The following XYLT1 variants were observed in gnomAD, a reference collection of about 807,000 sequenced individuals.
XYLT1 encodes beta-D-xylosyltransferase 1.
Under a neutral mutation model 91.3 loss-of-function variants are expected in XYLT1, and 36 were observed. The observed-to-expected ratio is 0.39, with a 90% confidence interval of 0.30 to 0.52. The LOEUF is 0.52. Ranked by LOEUF, XYLT1 falls within the 20% of genes least tolerant of loss-of-function variation. XYLT1 has a pLI of 0.68. For missense variants in XYLT1, 1,242 were observed against 1,284.5 expected, an observed-to-expected ratio of 0.97 and a Z score of 0.51; for synonymous variants, 588 against 532.0, an observed-to-expected ratio of 1.11 and a Z score of -1.45.
chr16:17,168,331 A>T (rs1201525998), intron 5 of XYLT1, among the ~76,000 whole-genome samples: 3 of 152,222 alleles, frequency 2.0e-5, no homozygotes, highest in African/African-American at 7.2e-5. Context: ...TAAGTGAATT[A>T]ACAGAGGAAC....
intron 3 of XYLT1, among the ~76,000 whole-genome samples, chr16:17,243,907 T>C (rs930594389): frequency 5.3e-5 from 8 of 152,028 alleles, no homozygotes; most frequent in Non-Finnish European, 1.2e-4. Context: ...GATGCCCAGG[T>C]CTCCCACCAT....
chr16:17,454,910 C>G (rs1274482696), intron 1 of XYLT1, among the ~76,000 whole-genome samples: 6 of 71,324 alleles, frequency 8.4e-5, no homozygotes, highest in African/African-American at 3.5e-4. Context: ...TCCTCCCCCC[C>G]CCGCCCCCCC....
At chr16:17,297,642 G>C (rs1034562641) in intron 2 of XYLT1, among the ~76,000 whole-genome samples, 1 of 152,044 alleles carries the variant, frequency 6.6e-6, no homozygotes, top group African/African-American at 2.4e-5. Context: ...AGGATCACTT[G>C]AGCCTAGGAG....
chr16:17,236,200 C>T (rs909017251), intron 3 of XYLT1, among the ~76,000 whole-genome samples: 2 of 152,154 alleles, frequency 1.3e-5, no homozygotes, highest in African/African-American at 2.4e-5. Context: ...AATTTAAATA[C>T]AAGCATCTGA....
At chr16:17,294,561 T>A (rs62033204) in intron 2 of XYLT1, among the ~76,000 whole-genome samples, 2,391 of 152,140 alleles carry the variant, frequency 0.016, 29 homozygotes, top group Non-Finnish European at 0.028. Context: ...GAGGCTGTGT[T>A]GTAAGGGCTT....
At chr16:17,371,822 CAGAGAG>C (rs201802073) in intron 1 of XYLT1, among the ~76,000 whole-genome samples, 1 of 152,106 alleles carries the variant, frequency 6.6e-6, no homozygotes, top group Non-Finnish European at 1.5e-5. Context: ...TATTAAGAGA[CAGAGAG>C]AAAGAAAGAG....
chr16:17,387,038 GC>G (rs768866396), intron 1 of XYLT1, among the ~76,000 whole-genome samples: 116 of 152,264 alleles, frequency 7.6e-4, no homozygotes, highest in Non-Finnish European at 1.4e-3. Context: ...GATGATAAAT[GC>G]CCCAAGAGAC....
chr16:17,342,258 T>C (rs2035072138), intron 2 of XYLT1, among the ~76,000 whole-genome samples: 2 of 152,208 alleles, frequency 1.3e-5, no homozygotes, highest in African/African-American at 4.8e-5. Flanking sequence ...TTCCTCTTTC[T>C]GCAGAGCTCC....
chr16:17,182,791 T>C (rs997674202), intron 5 of XYLT1, among the ~76,000 whole-genome samples: 2 of 152,038 alleles, frequency 1.3e-5, no homozygotes, highest in Admixed American at 1.3e-4. Flanking sequence ...CACCACCAGA[T>C]AGCCAGTTAG....
rs181973664 is a variant in XYLT1 at position 17,427,260 on chromosome 16, C to T, written c.363+43174G>A. 3.1e-3 allele frequency among the ~76,000 whole-genome samples: 470 copies of T among 152,342 alleles called. 3 individuals carry two copies. Among genetic ancestry groups the T allele is most frequent in the Non-Finnish European group, 4.1e-3 (278 of 68,032 alleles). ...GACGCTTGGCTCAAGACTTCTTTGC[C>T]ACCACGAACAACATCTCCAAGTCAA... On this transcript the variant is annotated intron_variant, in intron 1 of 11. Coordinates refer to ENST00000261381, the MANE Select transcript of XYLT1 (RefSeq NM_022166.4).
intron 5 of XYLT1, among the ~76,000 whole-genome samples, chr16:17,184,185 CTTTTT>C (rs71390593): frequency 4.2e-4 from 45 of 107,482 alleles, no homozygotes; most frequent in African/African-American, 1.6e-3. Flanking sequence ...TAAAAGACGG[CTTTTT>C]TTTTTTTTTT....
At chr16:17,456,520 T>C (rs2036745547) in intron 1 of XYLT1, among the ~76,000 whole-genome samples, 1 of 151,904 alleles carries the variant, frequency 6.6e-6, no homozygotes, top group African/African-American at 2.4e-5. Flanking sequence ...TTTTATGTTT[T>C]TGTAAAGACG....
At position 17,127,706 on chromosome 16, in the gene XYLT1, G is replaced by C; in HGVS notation, c.2183C>G (p.Ala728Gly). The C allele has an allele frequency of 6.2e-7, 1 of 1,614,170 alleles. No individual in the cohort carries two copies. Among genetic ancestry groups the C allele is most frequent in the East Asian group, 2.2e-5 (1 of 44,876 alleles). The stretch of plus-strand genomic sequence containing the variant: ...CCTCCCAAAGTCACTGGGTGGGCTT[G>C]CGATCTTGAAGACTTTTTTCGGCAT... ...WVMPKKVFKI[A>G]SPPSDFGRLQ... is the part of the protein sequence containing the mutation. The change falls in exon 10 of 12, where the codon GCA becomes GGA. Residue 728 changes from alanine (A) to glycine (G), a missense_variant. Physicochemically the swap from Ala to Gly is moderately conservative, Grantham distance 60. This residue lies in a region of XYLT1 where 511 missense variants were observed against 497.0 expected (regional missense o/e 1.03). Coordinates refer to ENST00000261381, the MANE Select transcript of XYLT1 (RefSeq NM_022166.4).
At chr16:17,448,156 T>A (rs111862290) in intron 1 of XYLT1, among the ~76,000 whole-genome samples, 129 of 152,298 alleles carry the variant, frequency 8.5e-4, no homozygotes, top group African/African-American at 3.1e-3. Flanking sequence ...TCACTTGAGG[T>A]CAGGAGTTCA....
intron 1 of XYLT1, among the ~76,000 whole-genome samples, chr16:17,455,867 G>A (rs1040762496): frequency 9.2e-5 from 14 of 152,156 alleles, no homozygotes; most frequent in Non-Finnish European, 1.5e-4. Context: ...CAAAACCTGC[G>A]CTGGACTCTC....
intron 9 of XYLT1, among the ~76,000 whole-genome samples, chr16:17,130,746 C>G (rs2030438208): frequency 6.6e-6 from 1 of 152,186 alleles, no homozygotes; most frequent in African/African-American, 2.4e-5. Flanking sequence ...CCCTCTCTTA[C>G]TTTTGCCCAC....
intron 2 of XYLT1, among the ~76,000 whole-genome samples, chr16:17,288,414 C>T (rs1478230708): frequency 2.0e-5 from 3 of 151,980 alleles, no homozygotes; most frequent in East Asian, 3.9e-4. Context: ...TCTTACTTAC[C>T]TCCTACCTGT....
At chr16:17,153,396 C>T (rs2031328697) in intron 6 of XYLT1, among the ~76,000 whole-genome samples, 1 of 152,140 alleles carries the variant, frequency 6.6e-6, no homozygotes, top group South Asian at 2.1e-4. Flanking sequence ...ATGTAGCATC[C>T]TATACAAGAG....
In XYLT1 at chr16:17,259,536, C is replaced by T. The variant is rs898901171; in HGVS notation, c.403-38G>A. 1.9e-6 allele frequency: 3 copies of T among 1,589,962 alleles called. No individual in the cohort carries two copies. In the African/African-American group the frequency reaches 4.0e-5, roughly 21 times the overall value. On this transcript the variant is annotated intron_variant, in intron 2 of 11. Transcript: ENST00000261381. ...GGAGAGAAACAGAAGAGAAACTTGA[C>T]TGAGAGATCATGCTAAGCAGACTGG...
Sources: gnomAD v4.1 joint callset for allele counts (sites outside exome capture counted in the v4.1 genomes callset) on GRCh38, gnomAD v4.1.1 for gene constraint, gnomAD v4.1.1 regional missense constraint, MANE v1.5 for transcripts, NCBI Gene and HGNC (gene_info 2026-07-23, HGNC 2026-07-21) for gene names.